The following LETM1 variants were observed in gnomAD, a reference collection of about 807,000 sequenced individuals.
LETM1 encodes the protein mitochondrial proton/calcium exchanger protein.
In LETM1, 50 loss-of-function variants were observed where a neutral mutation model predicts 74.5. The ratio of observed to expected loss-of-function variants is 0.67; its 90% CI spans 0.53 to 0.85. The LOEUF is 0.85. Ranked by LOEUF, LETM1 falls within the 40% of genes least tolerant of loss-of-function variation. The pLI is 0.00. For synonymous variants in LETM1, 446 were observed against 407.1 expected, an observed-to-expected ratio of 1.10 and a Z score of -1.15; for missense variants, 824 against 967.8, an observed-to-expected ratio of 0.85 and a Z score of 1.97.
chr4:1,825,766 G>T, intron 6 of LETM1, 83 bp from the exon 7 acceptor site: 1 of 1,464,614 alleles, frequency 6.8e-7, no homozygotes. Context: ...CAGAATAAGT[G>T]GCTAACAGAT....
intron 11 of LETM1, among the ~76,000 whole-genome samples, chr4:1,818,696 T>C (rs866889297): frequency 6.6e-6 from 1 of 151,918 alleles, no homozygotes; most frequent in Non-Finnish European, 1.5e-5. Flanking sequence ...CAAACCACCA[T>C]GGAAGAAAAG....
chr4:1,835,521 G>C (rs1289947584), intron 4 of LETM1, among the ~76,000 whole-genome samples: 1 of 152,172 alleles, frequency 6.6e-6, no homozygotes, highest in African/African-American at 2.4e-5. Context: ...CTAAAGCAAG[G>C]ATCGGCACAC....
chr4:1,840,632 C>T lies in LETM1; in HGVS notation c.594+715G>A, dbSNP rs1712656211. Among the ~76,000 whole-genome samples the T allele has an allele frequency of 3.3e-5, 5 of 152,104 alleles. No individual in the cohort carries two copies. In the South Asian group the frequency reaches 1.0e-3, roughly 32 times the overall value. Reference sequence around the variant, plus strand: ...GCAGCGAGCCGAGATCGCACCACTGCACTCCAGCCTGGGCGACAGTGAGAC... The same window carrying T: ...GCAGCGAGCCGAGATCGCACCACTGTACTCCAGCCTGGGCGACAGTGAGAC... On this transcript the variant is annotated intron_variant, in intron 3 of 13. Coordinates refer to ENST00000302787, the MANE Select transcript of LETM1 (RefSeq NM_012318.3).
In LETM1 at chr4:1,855,875, G is replaced by T; in HGVS notation, c.76C>A (p.Pro26Thr). Reference sequence around the variant, plus strand: ...TGGGGTGCCCGCCGCTTACCCCGCGGGACGGTGTACCGAGGCGGCGGCGGG... The same window carrying T: ...TGGGGTGCCCGCCGCTTACCCCGCGTGACGGTGTACCGAGGCGGCGGCGGG... ...RLPPPPRYTV[P>T]RGSPGDPAHL... Residue 26 changes from proline to threonine, a missense_variant, in exon 1 of 14, where the codon CCG becomes ACG. Transcript: ENST00000302787. 3 of 1,235,788 alleles carry T rather than the reference G, an allele frequency of 2.4e-6. No individual in the cohort carries two copies. Among genetic ancestry groups the T allele is most frequent in the South Asian group, 6.8e-5 (2 of 29,522 alleles). The allele number at this position is 1,235,788 out of a possible 1,614,324, so 76.6% of individuals were successfully genotyped here. A position where few individuals can be genotyped will look rare whatever the true frequency, so the allele number is the denominator to read the frequency against.
At chr4:1,837,073 T>C (rs1706804924) in intron 3 of LETM1, among the ~76,000 whole-genome samples, 1 of 152,206 alleles carries the variant, frequency 6.6e-6, no homozygotes, top group South Asian at 2.1e-4. Context: ...AACTAGTACT[T>C]GATGCCATTA....
At chr4:1,851,830 G>A (rs1050560267) in intron 1 of LETM1, among the ~76,000 whole-genome samples, 1 of 152,206 alleles carries the variant, frequency 6.6e-6, no homozygotes, top group Non-Finnish European at 1.5e-5. Context: ...AGAGTTCCCT[G>A]ATCTGTCCCC....
chr4:1,853,068 G>A lies in LETM1; in HGVS notation c.82+2801C>T, dbSNP rs371739134. On this transcript the variant is annotated intron_variant, in intron 1 of 13. Coordinates refer to ENST00000302787, the MANE Select transcript of LETM1 (RefSeq NM_012318.3). ...TACACACGCCCCACAGGTCTGATGG[G>A]CACGGCACAGTCCACACCTCCAAGA... 1.3e-4 allele frequency among the ~76,000 whole-genome samples: 20 copies of A among 152,218 alleles called. No individual in the cohort carries two copies. In the South Asian group the frequency reaches 4.2e-3, roughly 32 times the overall value.
At chr4:1,833,917 T>C (rs927026059) in intron 5 of LETM1, 1 of 152,226 alleles carries the variant, frequency 6.6e-6, no homozygotes, top group Non-Finnish European at 1.5e-5. Flanking sequence ...CCAGGAAAGG[T>C]TGGGACGGGC....
Position 1,841,764 on chromosome 4 carries a change from G to A in LETM1, c.177C>T (p.His59=), listed in dbSNP as rs767250813. 1.4e-5 allele frequency: 22 copies of A among 1,613,590 alleles called. No individual in the cohort carries two copies. The Middle Eastern group carries it at 4.9e-4, about 36-fold the overall frequency. The change falls in exon 3 of 14, where the codon CAC becomes CAT. Residue 59 remains histidine, a synonymous_variant. Coordinates refer to ENST00000302787, the MANE Select transcript of LETM1 (RefSeq NM_012318.3). ...NVPFGCCTPI[H]PVYTSSRGDH... Reference sequence around the variant, plus strand: ...CGCCTCTGGAGGATGTGTACACAGGGTGGATGGGAGTGCAGCAGCCAAATG... The same window carrying A: ...CGCCTCTGGAGGATGTGTACACAGGATGGATGGGAGTGCAGCAGCCAAATG...
intron 10 of LETM1, 87 bp downstream of exon 10, chr4:1,822,094 A>C (rs1283737919): frequency 7.8e-6 from 10 of 1,285,282 alleles, no homozygotes; most frequent in Non-Finnish European, 1.0e-5. Context: ...GCCCCAGCTA[A>C]CCTGTCCCCA....
chr4:1,834,395 A>G lies in LETM1; in HGVS notation c.876+450T>C, dbSNP rs1712391104. The G allele has an allele frequency of 5.0e-6, 5 of 992,746 alleles. No homozygotes were observed. The highest frequency in any genetic ancestry group is 1.7e-5 in the African/African-American group (1 of 57,280). 61.5% of individuals were successfully genotyped at this position (992,746 alleles called of 1,614,324 possible). A position where few individuals can be genotyped will look rare whatever the true frequency, so the allele number is the denominator to read the frequency against. On this transcript the variant is annotated intron_variant, in intron 5 of 13. Coordinates refer to ENST00000302787, the MANE Select transcript of LETM1 (RefSeq NM_012318.3). The surrounding 1 kb of genome is among the most constrained non-coding windows in gnomAD (Gnocchi z 5.0). ...TCACCACATGACCGCAGGAAACCTC[A>G]AGGGCCGCTCCTCCTCTCCAGCCCC...
At chr4:1,844,297 G>A (rs769102635) in intron 2 of LETM1, among the ~76,000 whole-genome samples, 4 of 152,246 alleles carry the variant, frequency 2.6e-5, no homozygotes, top group Non-Finnish European at 5.9e-5. Context: ...TCCCCACTGA[G>A]TGAGATTCAA....
chr4:1,850,018 G>C (rs894927313), intron 1 of LETM1, among the ~76,000 whole-genome samples: 1 of 152,216 alleles, frequency 6.6e-6, no homozygotes, highest in African/African-American at 2.4e-5. Flanking sequence ...GCCGGGTATG[G>C]TGGCACATGC....
At chr4:1,823,210 C>G (rs1711851972) in intron 8 of LETM1, 79 bp from the exon 9 acceptor site, 2 of 1,475,010 alleles carry the variant, frequency 1.4e-6, no homozygotes, top group African/African-American at 1.4e-5. Flanking sequence ...GTCCTGTGTC[C>G]TGTGTCCCCT....
intron 4 of LETM1, among the ~76,000 whole-genome samples, chr4:1,835,596 T>C (rs1712438665): frequency 6.6e-6 from 1 of 152,184 alleles, no homozygotes; most frequent in African/African-American, 2.4e-5. Flanking sequence ...AAACAAATGC[T>C]TAACTCTGCT....
intron 6 of LETM1, among the ~76,000 whole-genome samples, chr4:1,828,677 C>CA (rs1362785338): frequency 2.4e-5 from 3 of 126,128 alleles, no homozygotes; most frequent in East Asian, 2.6e-4. Context: ...GCTGGCTGGG[C>CA]GGGGGGCTGA....
rs541451094 is a variant in LETM1 at position 1,836,833 on chromosome 4, C to T, written c.595-261G>A. On this transcript the variant is annotated intron_variant, in intron 3 of 13. Coordinates refer to ENST00000302787, the MANE Select transcript of LETM1 (RefSeq NM_012318.3). This position sits in a 1 kb window ranked among gnomAD's most constrained non-coding sequence, Gnocchi z 5.8. ...ACCAAGGGCCACTGGGTGCTCCCAG[C>T]GATCGAGTCCTCCGAGGACACCGGC... Among the ~76,000 whole-genome samples, 11 of 152,158 alleles carry T rather than the reference C, an allele frequency of 7.2e-5. No individual in the cohort carries two copies. In the South Asian group the frequency reaches 2.1e-3, roughly 29 times the overall value.
intron 3 of LETM1, among the ~76,000 whole-genome samples, chr4:1,840,726 G>A (rs559508874): frequency 3.5e-4 from 53 of 151,768 alleles, no homozygotes; most frequent in Non-Finnish European, 4.9e-4. Context: ...AAAACGAAGC[G>A]GGGGTGGTGG....
chr4:1,838,863 GCT>G (rs979346124), intron 3 of LETM1, among the ~76,000 whole-genome samples: 40 of 152,086 alleles, frequency 2.6e-4, no homozygotes, highest in Non-Finnish European at 5.3e-4. Flanking sequence ...GTGTCCCATG[GCT>G]CTCACAGAAG....
Sources: allele counts gnomAD v4.1 joint callset (sites outside exome capture counted in the v4.1 genomes callset), GRCh38; gene constraint gnomAD v4.1.1; non-coding constraint Gnocchi (gnomAD v3.1); transcripts MANE v1.5; gene names NCBI Gene and HGNC (gene_info 2026-07-23, HGNC 2026-07-21).